Variants in PHACTR4 observed in about 807,000 individuals in gnomAD.
PHACTR4 encodes the protein protein phosphatase 1, regulatory subunit 124.
PHACTR4 carries 51 observed loss-of-function variants against 72.7 expected under a neutral mutation model. That is an observed-to-expected ratio of 0.70 (90% CI 0.56 to 0.89). The LOEUF (loss-of-function observed/expected upper bound fraction) is 0.89, where lower values mean the gene tolerates loss of function less well. Among genes scored for constraint, PHACTR4 ranks in the 40% least tolerant of loss-of-function variants. PHACTR4 has a pLI of 0.00. For missense variants in PHACTR4, 731 were observed against 861.8 expected (o/e 0.85, Z 1.90); for synonymous variants, 255 against 302.5 (o/e 0.84, Z 1.63).
chr1:28,404,531 C>A (rs1218356234), intron 1 of PHACTR4, among the ~76,000 whole-genome samples: 2 of 151,880 alleles, frequency 1.3e-5, no homozygotes, highest in East Asian at 3.9e-4. Context: ...GATCTGCCCG[C>A]CTCAGCCTCC....
rs12567667 is a variant in PHACTR4, at chr1:28,393,816, C to T, written c.-38-13594C>T. On this transcript the variant is annotated intron_variant, in intron 1 of 13. Transcript: ENST00000373839. ...GACCTCTCAGGCTCAGGTGATCTTCCCACCTCAGCCTCCCAAGTAGCTGGG... is the reference window on the plus strand; with the variant it reads ...GACCTCTCAGGCTCAGGTGATCTTCTCACCTCAGCCTCCCAAGTAGCTGGG... 3.2e-3 allele frequency among the ~76,000 whole-genome samples: 481 copies of T among 152,182 alleles called. 20 individuals carry two copies. The East Asian group carries it at 0.08, about 25-fold the overall frequency.
At chr1:28,373,107 A>T (rs1452596357) in intron 1 of PHACTR4, among the ~76,000 whole-genome samples, 1 of 151,782 alleles carries the variant, frequency 6.6e-6, no homozygotes, top group African/African-American at 2.4e-5. Flanking sequence ...ACAGGTGCAC[A>T]CTACCACACT....
chr1:28,476,769 G>GTTATTTTTTTTTTTTT (rs1557841813), intron 8 of PHACTR4, among the ~76,000 whole-genome samples: 1 of 80,224 alleles, frequency 1.2e-5, no homozygotes, highest in Non-Finnish European at 2.5e-5. Flanking sequence ...TGCCTAGCCT[G>GTTATTTTTTTTTTTTT]TTCTTTTTTT....
intron 2 of PHACTR4, among the ~76,000 whole-genome samples, chr1:28,452,857 G>A (rs879255894): frequency 2.0e-4 from 31 of 151,904 alleles, no homozygotes; most frequent in African/African-American, 7.3e-4. Context: ...AGTGGCTCAC[G>A]CCTGTAATCC....
intron 2 of PHACTR4, among the ~76,000 whole-genome samples, chr1:28,409,057 A>G (rs1322421467): frequency 6.6e-6 from 1 of 152,084 alleles, no homozygotes; most frequent in Non-Finnish European, 1.5e-5. Context: ...TAGATATACA[A>G]AGGTTTAATG....
intron 1 of PHACTR4, among the ~76,000 whole-genome samples, chr1:28,393,387 G>T (rs1653212564): frequency 6.6e-6 from 1 of 152,130 alleles, no homozygotes; most frequent in East Asian, 1.9e-4. Context: ...TTAAATGAAT[G>T]CACTGCATAA....
Position 28,421,696 on chromosome 1 carries a change from T to G in PHACTR4, c.16+14233T>G, listed in dbSNP as rs371324314. Among the ~76,000 whole-genome samples the G allele has an allele frequency of 1.8e-4, 27 of 152,314 alleles. No homozygotes were observed. The South Asian group carries it at 5.4e-3, about 30-fold the overall frequency. ...AGTCAGTCTTTTCCTCACTTCAGTT[T>G]AGAGCTCAGTAATCAAAGGGCACAA... On this transcript the variant is annotated intron_variant, in intron 2 of 13. Transcript: ENST00000373839.
intron 1 of PHACTR4, among the ~76,000 whole-genome samples, chr1:28,371,450 A>G (rs1651238768): frequency 6.6e-6 from 1 of 151,998 alleles, no homozygotes; most frequent in Admixed American, 6.6e-5. Context: ...GTGTGCCACC[A>G]TGCCCAGCTA....
At chr1:28,397,717 T>C (rs1289212182) in intron 1 of PHACTR4, among the ~76,000 whole-genome samples, 1 of 151,644 alleles carries the variant, frequency 6.6e-6, no homozygotes, top group African/African-American at 2.4e-5. Flanking sequence ...TTTTTTTTTT[T>C]TTTGAGTCTT....
intron 10 of PHACTR4, chr1:28,489,835 G>T: frequency 1.9e-6 from 1 of 518,926 alleles, no homozygotes; most frequent in South Asian, 1.4e-5. Flanking sequence ...CTTCCTTGGG[G>T]CTATTTGTGA....
chr1:28,498,144 G>C lies in PHACTR4; in HGVS notation c.*1595G>C, dbSNP rs1661474855. ...GTATTCTCCTCCTTAAAGCAGAGTT[G>C]TATCAACTCTGTGGGAGCATTTATG... On this transcript the variant is annotated 3_prime_UTR_variant, in exon 14 of 14. Coordinates refer to ENST00000373839, the MANE Select transcript of PHACTR4 (RefSeq NM_001048183.3). 6.6e-6 allele frequency: 1 copy of C among 152,122 alleles called. No homozygotes were observed. The highest frequency in any genetic ancestry group is 2.1e-4 in the South Asian group (1 of 4,826). 9.4% of individuals were successfully genotyped at this position (152,122 alleles called of 1,614,324 possible). A position where few individuals can be genotyped will look rare whatever the true frequency, so the allele number is the denominator to read the frequency against.
chr1:28,385,174 T>G (rs551633298), intron 1 of PHACTR4, among the ~76,000 whole-genome samples: 2 of 152,288 alleles, frequency 1.3e-5, no homozygotes, highest in East Asian at 3.9e-4. Flanking sequence ...TCCCAGAGAT[T>G]CTGGTATGAT....
At chr1:28,480,419 G>C in intron 8 of PHACTR4, 32 bp from the exon 9 acceptor site, 1 of 1,611,632 alleles carries the variant, frequency 6.2e-7, no homozygotes. Flanking sequence ...TAAGCCTCAA[G>C]TTCTACATTT....
chr1:28,480,985 G>A (rs561617369), intron 9 of PHACTR4, among the ~76,000 whole-genome samples: 1 of 151,978 alleles, frequency 6.6e-6, no homozygotes, highest in South Asian at 2.1e-4. Flanking sequence ...CCTATACCTA[G>A]TCTATATGTT....
intron 2 of PHACTR4, among the ~76,000 whole-genome samples, chr1:28,425,162 A>G (rs1268977607): frequency 6.6e-6 from 1 of 151,780 alleles, no homozygotes; most frequent in Non-Finnish European, 1.5e-5. Context: ...CTGTCACCCA[A>G]TCTGGAGTGC....
intron 2 of PHACTR4, among the ~76,000 whole-genome samples, chr1:28,411,056 G>A (rs115178227): frequency 0.015 from 2,313 of 150,754 alleles, 18 homozygotes; most frequent in Non-Finnish European, 0.024. Flanking sequence ...GTTTTTTGGG[G>A]GTTTTTTTGA....
In PHACTR4 at chr1:28,378,896, G is replaced by A. The variant is rs377020323; in HGVS notation, c.-39+9071G>A. ...GAAATAAGAGTAGTTGTTACCAGTTGATTACTGTTATTACCCAGGCACTGA... is the reference window on the plus strand; with the variant it reads ...GAAATAAGAGTAGTTGTTACCAGTTAATTACTGTTATTACCCAGGCACTGA... On this transcript the variant is annotated intron_variant, in intron 1 of 13. Coordinates refer to ENST00000373839, the MANE Select transcript of PHACTR4 (RefSeq NM_001048183.3). Among the ~76,000 whole-genome samples, 28 of 152,152 alleles carry A rather than the reference G, an allele frequency of 1.8e-4. 1 individual carries two copies. The East Asian group carries it at 4.6e-3, about 25-fold the overall frequency.
intron 2 of PHACTR4, among the ~76,000 whole-genome samples, chr1:28,412,166 A>AT (rs1373467022): frequency 1.3e-5 from 2 of 152,228 alleles, no homozygotes; most frequent in African/African-American, 4.8e-5. Flanking sequence ...CAAAATAGGA[A>AT]TTTCACTTGA....
Position 28,381,462 on chromosome 1 carries a change from C to T in PHACTR4, c.-39+11637C>T, listed in dbSNP as rs1311287909. On this transcript the variant is annotated intron_variant, in intron 1 of 13. Coordinates refer to ENST00000373839, the MANE Select transcript of PHACTR4 (RefSeq NM_001048183.3). Reference sequence around the variant, plus strand: ...TACAGGTGCATGCCACCACGCCTGGCTAATTTTTTGTGTTTTTAGTAGAGA... The same window carrying T: ...TACAGGTGCATGCCACCACGCCTGGTTAATTTTTTGTGTTTTTAGTAGAGA... Among the ~76,000 whole-genome samples, 3 of 151,312 alleles carry T rather than the reference C, an allele frequency of 2.0e-5. No homozygotes were observed. In the East Asian group the frequency reaches 5.8e-4, roughly 29 times the overall value.
Sources: gnomAD v4.1 joint callset for allele counts (sites outside exome capture counted in the v4.1 genomes callset) on GRCh38, gnomAD v4.1.1 for gene constraint, MANE v1.5 for transcripts, NCBI Gene and HGNC (gene_info 2026-07-23, HGNC 2026-07-21) for gene names.